The following TBCA variants were observed in gnomAD, a reference collection of about 807,000 sequenced individuals.
The protein encoded by TBCA is tubulin-specific chaperone A.
Under a neutral mutation model 15.8 loss-of-function variants are expected in TBCA, and 6 were observed. The observed-to-expected ratio is 0.38, with a 90% CI of 0.21 to 0.75. The LOEUF (loss-of-function observed/expected upper bound fraction) is 0.75, where lower values mean the gene tolerates loss of function less well. TBCA is among the 30% of genes least tolerant of loss of function. The pLI is 0.46. For missense variants in TBCA, 90 were observed against 131.2 expected (o/e 0.69, Z 1.53); for synonymous variants, 32 against 42.3 (o/e 0.76, Z 0.94).
intron 2 of TBCA, among the ~76,000 whole-genome samples, chr5:77,704,317 G>A (rs939705597): frequency 1.3e-5 from 2 of 152,084 alleles, no homozygotes; most frequent in Admixed American, 6.6e-5. Flanking sequence ...TCCAACAGAG[G>A]GACTGTCCCC....
intron 1 of TBCA, among the ~76,000 whole-genome samples, chr5:77,754,352 GA>G (rs548291509): frequency 3.7e-4 from 56 of 152,076 alleles, no homozygotes; most frequent in African/African-American, 1.2e-3. Context: ...CTTTGAATTA[GA>G]CAAATTATTT....
chr5:77,746,094 G>A (rs983637243), intron 1 of TBCA, among the ~76,000 whole-genome samples: 14 of 151,868 alleles, frequency 9.2e-5, no homozygotes, highest in African/African-American at 2.7e-4. Context: ...GGGGCATTTC[G>A]GCCTTTAGAG....
chr5:77,728,256 C>T (rs1158567933), intron 1 of TBCA, among the ~76,000 whole-genome samples: 5 of 151,970 alleles, frequency 3.3e-5, no homozygotes, highest in African/African-American at 9.7e-5. Context: ...AAAAAGAGGC[C>T]CCCAGAAAGG....
At chr5:77,695,939 G>T (rs536080457) in intron 2 of TBCA, among the ~76,000 whole-genome samples, 4 of 152,160 alleles carry the variant, frequency 2.6e-5, no homozygotes, top group Non-Finnish European at 5.9e-5. Flanking sequence ...TTGGGAGTTA[G>T]TTTAGCAAGG....
intron 3 of TBCA, chr5:77,692,623 C>A: frequency 4.1e-6 from 4 of 985,368 alleles, no homozygotes; most frequent in Non-Finnish European, 4.8e-6. Context: ...CTATTACTTT[C>A]TCAGCTACTA....
chr5:77,718,083 T>C (rs980390362), intron 1 of TBCA, among the ~76,000 whole-genome samples: 3 of 152,144 alleles, frequency 2.0e-5, no homozygotes, highest in African/African-American at 7.2e-5. Context: ...TGAGCTGAGA[T>C]CGCACAACTG....
chr5:77,698,344 T>TA (rs943740319), intron 2 of TBCA, among the ~76,000 whole-genome samples: 2 of 152,158 alleles, frequency 1.3e-5, no homozygotes, highest in African/African-American at 4.8e-5. Context: ...ATAATGCTCA[T>TA]AAACAACTTA....
intron 1 of TBCA, among the ~76,000 whole-genome samples, chr5:77,757,649 CA>C (rs1747507310): frequency 1.3e-5 from 2 of 152,160 alleles, no homozygotes; most frequent in Admixed American, 1.3e-4. Context: ...TACCAAGCAC[CA>C]ATAGATTTGT....
intron 1 of TBCA, among the ~76,000 whole-genome samples, chr5:77,720,358 T>C (rs1746504264): frequency 6.6e-6 from 1 of 151,880 alleles, no homozygotes; most frequent in Admixed American, 6.6e-5. Context: ...ATGGGGAAAA[T>C]AGCTAAGTTG....
intron 1 of TBCA, among the ~76,000 whole-genome samples, chr5:77,738,279 T>C (rs1746954392): frequency 1.3e-5 from 2 of 152,230 alleles, no homozygotes; most frequent in African/African-American, 2.4e-5. Context: ...GACTCACTGA[T>C]ATGGTGCAAA....
rs199603108 is a variant in TBCA at position 77,766,514 on chromosome 5, T to TTA, written c.53+9690_53+9691insTA. ...CACTTTTATTTATTTATTTATTTAT[T>TTA]TTTTTTTTTTTTTGAGACGGAGTCT... On this transcript the variant is annotated intron_variant, in intron 1 of 3. Coordinates refer to ENST00000380377, the MANE Select transcript of TBCA (RefSeq NM_004607.3). Among the ~76,000 whole-genome samples, 12 of 75,844 alleles carry TTA rather than the reference T, an allele frequency of 1.6e-4. 1 individual carries two copies. The highest frequency in any genetic ancestry group is 4.2e-4 in the South Asian group (1 of 2,384). 49.8% of individuals were successfully genotyped at this position (75,844 alleles called of 152,430 possible). A position where few individuals can be genotyped will look rare whatever the true frequency, so the allele number is the denominator to read the frequency against.
intron 2 of TBCA, among the ~76,000 whole-genome samples, chr5:77,707,961 T>C (rs575207252): frequency 1.3e-5 from 2 of 152,236 alleles, no homozygotes; most frequent in East Asian, 3.9e-4. Context: ...AAGGCTGCAA[T>C]GAGCCATGAT....
intron 1 of TBCA, among the ~76,000 whole-genome samples, chr5:77,734,762 A>C (rs1746858048): frequency 6.6e-6 from 1 of 152,228 alleles, no homozygotes; most frequent in South Asian, 2.1e-4. Context: ...ATCAAACAGC[A>C]CTGCATGCTA....
intron 1 of TBCA, among the ~76,000 whole-genome samples, chr5:77,716,969 G>A (rs1284192459): frequency 6.6e-6 from 1 of 152,158 alleles, no homozygotes; most frequent in East Asian, 1.9e-4. Context: ...CATCTGCTGG[G>A]GGTTCTGAGA....
At chr5:77,717,722 C>T (rs1746431395) in intron 1 of TBCA, among the ~76,000 whole-genome samples, 1 of 152,052 alleles carries the variant, frequency 6.6e-6, no homozygotes. Context: ...ATCCCAACTA[C>T]TCGGGAGGCT....
chr5:77,754,966 T>C (rs1747439343), intron 1 of TBCA, among the ~76,000 whole-genome samples: 1 of 152,222 alleles, frequency 6.6e-6, no homozygotes, highest in African/African-American at 2.4e-5. Context: ...CTAAATTTGG[T>C]ACCTTGCGGC....
chr5:77,700,043 A>AG (rs1745973696), intron 2 of TBCA, among the ~76,000 whole-genome samples: 1 of 150,484 alleles, frequency 6.6e-6, no homozygotes, highest in African/African-American at 2.5e-5. Context: ...AAAAAAAAAA[A>AG]AAAAAAAGAA....
intron 1 of TBCA, among the ~76,000 whole-genome samples, chr5:77,736,625 A>C (rs1480451537): frequency 6.6e-6 from 1 of 152,096 alleles, no homozygotes. Context: ...TGAGCTCTGG[A>C]GACTTTTACC....
chr5:77,721,895 G>T (rs1046132051), intron 1 of TBCA, among the ~76,000 whole-genome samples: 10 of 151,928 alleles, frequency 6.6e-5, no homozygotes, highest in Non-Finnish European at 1.3e-4. Context: ...TCCTGAATTT[G>T]CCAGTAAACA....
Sources: allele counts gnomAD v4.1 joint callset (sites outside exome capture counted in the v4.1 genomes callset), GRCh38; gene constraint gnomAD v4.1.1; transcripts MANE v1.5; gene names NCBI Gene and HGNC (gene_info 2026-07-23, HGNC 2026-07-21).